Variants in CDH9 observed in about 807,000 individuals in gnomAD.
CDH9 encodes cadherin-9.
CDH9 carries 28 observed loss-of-function variants against 70.9 expected under a neutral mutation model. The observed-to-expected ratio is 0.40, with a 90% CI of 0.29 to 0.54. The LOEUF is 0.54. Ranked by LOEUF, CDH9 falls within the 20% of genes least tolerant of loss-of-function variation. The pLI is 0.59. For missense variants in CDH9, 874 were observed against 984.4 expected, an observed-to-expected ratio of 0.89 and a Z score of 1.50; for synonymous variants, 409 against 343.1, an observed-to-expected ratio of 1.19 and a Z score of -2.12.
At chr5:26,964,138 ACT>A (rs72368289) in intron 2 of CDH9, among the ~76,000 whole-genome samples, 105,933 of 151,846 alleles carry the variant, frequency 0.7, 40,468 homozygotes, top group East Asian at 0.99. Flanking sequence ...TCAAGAAAAG[ACT>A]CTTATCTTCA....
intron 3 of CDH9, among the ~76,000 whole-genome samples, chr5:26,910,965 T>C (rs758239823): frequency 6.6e-5 from 10 of 152,186 alleles, no homozygotes; most frequent in Admixed American, 3.3e-4. Flanking sequence ...CATGGAATTA[T>C]AAGGGGTCCA....
chr5:26,924,104 C>T (rs918553739), intron 2 of CDH9, among the ~76,000 whole-genome samples: 3 of 151,538 alleles, frequency 2.0e-5, no homozygotes, highest in African/African-American at 7.3e-5. Flanking sequence ...ATCAATGAAA[C>T]AGAAACATGG....
chr5:26,990,302 C>T (rs1233326895), intron 1 of CDH9, among the ~76,000 whole-genome samples: 1 of 152,158 alleles, frequency 6.6e-6, no homozygotes, highest in African/African-American at 2.4e-5. Flanking sequence ...CTGTCCAACA[C>T]ATCTATGTAC....
intron 2 of CDH9, among the ~76,000 whole-genome samples, chr5:26,925,062 TA>T (rs1741312841): frequency 6.6e-6 from 1 of 152,176 alleles, no homozygotes; most frequent in Non-Finnish European, 1.5e-5. Context: ...TTTGGGCATA[TA>T]TCCAGTAATG....
intron 7 of CDH9, among the ~76,000 whole-genome samples, 198 bp downstream of exon 7, chr5:26,902,278 C>T (rs1740868009): frequency 1.3e-5 from 2 of 151,798 alleles, no homozygotes; most frequent in African/African-American, 4.8e-5. Context: ...AGAATTTGTT[C>T]TCTGGAAGTG....
At chr5:26,885,517 T>C in intron 11 of CDH9, 97 bp downstream of exon 11, 6 of 1,013,640 alleles carry the variant, frequency 5.9e-6, no homozygotes, top group Non-Finnish European at 8.9e-6. Context: ...TGTTCTATCT[T>C]TATCTATAGA....
At chr5:27,010,309 A>C (rs1742935163) in intron 1 of CDH9, among the ~76,000 whole-genome samples, 1 of 152,080 alleles carries the variant, frequency 6.6e-6, no homozygotes, top group African/African-American at 2.4e-5. Context: ...ACGTAAGTGG[A>C]ATGATGATGT....
intron 2 of CDH9, among the ~76,000 whole-genome samples, chr5:26,968,013 A>T (rs958495926): frequency 6.6e-6 from 1 of 152,048 alleles, no homozygotes; most frequent in African/African-American, 2.4e-5. Context: ...GTATGTACCT[A>T]CTTTTCAAAT....
chr5:27,022,996 A>C (rs1291014276), intron 1 of CDH9, among the ~76,000 whole-genome samples: 1 of 151,994 alleles, frequency 6.6e-6, no homozygotes, highest in Non-Finnish European at 1.5e-5. Context: ...TTGAAAGTTT[A>C]ATACGACTAT....
chr5:26,915,717 T>A lies in CDH9; in HGVS notation c.436A>T (p.Ile146Phe). The A allele has an allele frequency of 6.2e-7, 1 of 1,612,870 alleles. No homozygotes were observed. Among genetic ancestry groups the A allele is most frequent in the Non-Finnish European group, 8.5e-7 (1 of 1,178,884 alleles). Residue 146 changes from isoleucine (I) to phenylalanine (F), a missense_variant, in exon 3 of 12, where the codon ATC becomes TTC. By Grantham distance (21) the Ile-to-Phe change is conservative (BLOSUM62 0). Transcript: ENST00000231021. Reference sequence around the variant, plus strand: ...TCATTGATATCATGTATTTTAATGATAAATTCCGATTCCGGTTCCACCTGC... The same window carrying A: ...TCATTGATATCATGTATTTTAATGAAAAATTCCGATTCCGGTTCCACCTGC... ...GRQVEPESEF[I>F]IKIHDINDNE...
intron 2 of CDH9, among the ~76,000 whole-genome samples, chr5:26,925,122 G>T (rs1741313844): frequency 6.6e-6 from 1 of 152,226 alleles, no homozygotes; most frequent in East Asian, 1.9e-4. Context: ...TTGAGGAATT[G>T]CCACACTGTC....
intron 1 of CDH9, among the ~76,000 whole-genome samples, chr5:26,999,667 G>A (rs1442189657): frequency 1.3e-5 from 2 of 151,996 alleles, no homozygotes; most frequent in African/African-American, 4.8e-5. Flanking sequence ...AAAAAACTAG[G>A]CATCCATATG....
chr5:26,885,812 T>C lies in CDH9; in HGVS notation c.1684A>G (p.Ser562Gly). 1.2e-6 allele frequency: 2 copies of C among 1,613,674 alleles called. No individual in the cohort carries two copies. Among genetic ancestry groups the C allele is most frequent in the Non-Finnish European group, 1.7e-6 (2 of 1,179,642 alleles). Residue 562 changes from serine to glycine, a missense_variant, in exon 11 of 12, where the codon AGC (serine) becomes GGC (glycine). Physicochemically the swap from Ser to Gly is moderately conservative, Grantham distance 56. Coordinates refer to ENST00000231021, the MANE Select transcript of CDH9 (RefSeq NM_016279.4). ...RKDGYSRNKM[S>G]TYLLPILIFD... is the part of the protein sequence containing the mutation. ...ATTAAAATCGGCAATAAGTAGGTGCTCATTTTGTTGCGACTGTAGCCATCT... is the reference window on the plus strand; with the variant it reads ...ATTAAAATCGGCAATAAGTAGGTGCCCATTTTGTTGCGACTGTAGCCATCT...
intron 1 of CDH9, among the ~76,000 whole-genome samples, chr5:26,993,233 G>A (rs1053021311): frequency 2.6e-5 from 4 of 152,082 alleles, no homozygotes; most frequent in African/African-American, 9.7e-5. Context: ...TGAGAAAAGG[G>A]TATCCTTGTT....
At chr5:26,972,288 G>A (rs1041166407) in intron 2 of CDH9, among the ~76,000 whole-genome samples, 3 of 152,098 alleles carry the variant, frequency 2.0e-5, no homozygotes, top group Admixed American at 6.5e-5. Flanking sequence ...ATATGCAACC[G>A]TATTTTGGAG....
At chr5:26,927,315 C>A in intron 2 of CDH9, among the ~76,000 whole-genome samples, 1 of 152,112 alleles carries the variant, frequency 6.6e-6, no homozygotes, top group East Asian at 1.9e-4. Context: ...AAGTGAAATA[C>A]TTTCCTCTAA....
At chr5:26,892,868 C>G (rs1253326713) in intron 7 of CDH9, among the ~76,000 whole-genome samples, 6 of 152,084 alleles carry the variant, frequency 3.9e-5, no homozygotes, top group African/African-American at 9.6e-5. Context: ...GTAGCTGGAA[C>G]TACAGGCGCC....
At chr5:26,959,621 G>C (rs142566473) in intron 2 of CDH9, among the ~76,000 whole-genome samples, 1,531 of 152,130 alleles carry the variant, frequency 0.01, 7 homozygotes, top group Middle Eastern at 0.024. Context: ...ATGGATGAAT[G>C]GCTGAACAAA....
chr5:27,028,601 C>T (rs748910725), intron 1 of CDH9, among the ~76,000 whole-genome samples: 2 of 151,868 alleles, frequency 1.3e-5, no homozygotes, highest in Non-Finnish European at 2.9e-5. Flanking sequence ...TCTGTTTTGA[C>T]GAGAGTGATT....
Sources: gnomAD v4.1 joint callset for allele counts (sites outside exome capture counted in the v4.1 genomes callset) on GRCh38, gnomAD v4.1.1 for gene constraint, MANE v1.5 for transcripts, NCBI Gene and HGNC (gene_info 2026-07-23, HGNC 2026-07-21) for gene names.